Variants in DLG2 observed in about 807,000 individuals in gnomAD.
The protein encoded by DLG2 is disks large homolog 2.
A neutral mutation model predicts 132.5 loss-of-function variants in DLG2; 45 were observed. The observed-to-expected ratio is 0.34, with a 90% CI of 0.27 to 0.44. The LOEUF is 0.44. DLG2 is among the 20% of genes least tolerant of loss of function. The pLI is 1.00. For missense variants in DLG2, 1,045 were observed against 1,196.9 expected (o/e 0.87, Z 1.87); for synonymous variants, 424 against 419.6 (o/e 1.01, Z -0.13).
intron 7 of DLG2, among the ~76,000 whole-genome samples, chr11:84,372,517 A>G (rs2098710528): frequency 6.6e-6 from 1 of 152,206 alleles, no homozygotes; most frequent in Non-Finnish European, 1.5e-5. Flanking sequence ...TATAGCTTTA[A>G]CTTCCCATGA....
chr11:85,501,409 C>A (rs970612330), intron 3 of DLG2, among the ~76,000 whole-genome samples: 1 of 151,924 alleles, frequency 6.6e-6, no homozygotes, highest in African/African-American at 2.4e-5. Flanking sequence ...AAAAGCCAAA[C>A]TAGACAAATG....
At chr11:85,389,814 G>A (rs868642847) in intron 3 of DLG2, among the ~76,000 whole-genome samples, 40 of 152,250 alleles carry the variant, frequency 2.6e-4, no homozygotes, top group African/African-American at 8.9e-4. Flanking sequence ...CAAATGCTGA[G>A]AGAATTCTCC....
chr11:84,924,645 G>C (rs147906256), intron 6 of DLG2, among the ~76,000 whole-genome samples: 170 of 152,246 alleles, frequency 1.1e-3, no homozygotes, highest in African/African-American at 3.1e-3. Flanking sequence ...AGAAAGTGTC[G>C]TCAGTTCTGA....
intron 6 of DLG2, among the ~76,000 whole-genome samples, chr11:84,665,630 C>G (rs893917759): frequency 6.6e-6 from 1 of 152,132 alleles, no homozygotes; most frequent in Non-Finnish European, 1.5e-5. Context: ...CACCCCACTT[C>G]TTGAAGACGG....
At chr11:84,160,801 T>C (rs1309195314) in intron 9 of DLG2, among the ~76,000 whole-genome samples, 1 of 152,178 alleles carries the variant, frequency 6.6e-6, no homozygotes, top group African/African-American at 2.4e-5. Flanking sequence ...AATAGGAACT[T>C]TCCTTCATTG....
chr11:83,654,602 AT>A (rs1209933021), intron 18 of DLG2, among the ~76,000 whole-genome samples: 3 of 152,270 alleles, frequency 2.0e-5, no homozygotes, highest in Admixed American at 2.0e-4. Context: ...ATTTTGATGT[AT>A]TTTGGTTCTA....
intron 7 of DLG2, among the ~76,000 whole-genome samples, chr11:84,303,681 A>C (rs1039160670): frequency 6.6e-6 from 1 of 152,206 alleles, no homozygotes; most frequent in Admixed American, 6.5e-5. Context: ...ATTTCTAACC[A>C]ATGATTCCAA....
chr11:85,528,914 A>T (rs990735219), intron 3 of DLG2, among the ~76,000 whole-genome samples: 5 of 152,228 alleles, frequency 3.3e-5, no homozygotes, highest in African/African-American at 1.2e-4. Context: ...GTGCCTATAC[A>T]ACAAAACTAG....
At chr11:84,336,428 A>G (rs944599327) in intron 7 of DLG2, among the ~76,000 whole-genome samples, 1 of 152,186 alleles carries the variant, frequency 6.6e-6, no homozygotes. Context: ...TTTGCTTGTC[A>G]TGCCATAAAA....
At chr11:85,578,584 C>A (rs912698082) in intron 3 of DLG2, among the ~76,000 whole-genome samples, 1 of 152,084 alleles carries the variant, frequency 6.6e-6, no homozygotes, top group Non-Finnish European at 1.5e-5. Context: ...CATGAACAGG[C>A]ACCTTTCAAA....
chr11:84,574,373 A>C (rs796506834), intron 6 of DLG2, among the ~76,000 whole-genome samples: 6 of 152,214 alleles, frequency 3.9e-5, no homozygotes, highest in African/African-American at 1.4e-4. Context: ...AAAAAAAAAA[A>C]AACCTCTTAA....
At chr11:83,880,363 G>T (rs915973104) in intron 15 of DLG2, among the ~76,000 whole-genome samples, 1 of 152,138 alleles carries the variant, frequency 6.6e-6, no homozygotes, top group Admixed American at 6.6e-5. Flanking sequence ...CTTGAATAAT[G>T]CAGTAAAAAT....
At chr11:84,493,691 C>T (rs1018225837) in intron 7 of DLG2, among the ~76,000 whole-genome samples, 4 of 151,966 alleles carry the variant, frequency 2.6e-5, no homozygotes, top group Non-Finnish European at 5.9e-5. Context: ...TACACAGGCT[C>T]ATTTAGGATG....
intron 4 of DLG2, among the ~76,000 whole-genome samples, chr11:85,211,302 G>A (rs1421002970): frequency 6.6e-6 from 1 of 152,088 alleles, no homozygotes; most frequent in Non-Finnish European, 1.5e-5. Context: ...ATATAAACGA[G>A]TAATTATAAC....
chr11:84,348,744 T>C (rs2098549740), intron 7 of DLG2, among the ~76,000 whole-genome samples: 1 of 152,170 alleles, frequency 6.6e-6, no homozygotes, highest in Non-Finnish European at 1.5e-5. Context: ...GAGTGAGCCC[T>C]AATCCAAAAT....
intron 4 of DLG2, among the ~76,000 whole-genome samples, chr11:85,217,580 T>A (rs550107634): frequency 6.6e-6 from 1 of 152,354 alleles, no homozygotes; most frequent in East Asian, 1.9e-4. Flanking sequence ...GATTCTACTA[T>A]GCTGTCTTAG....
At chr11:84,496,789 A>G (rs1296212271) in intron 7 of DLG2, among the ~76,000 whole-genome samples, 1 of 152,148 alleles carries the variant, frequency 6.6e-6, no homozygotes, top group Non-Finnish European at 1.5e-5. Context: ...TGGAATAAAA[A>G]GGAAGCCCCA....
chr11:85,496,331 G>A (rs1470043306), intron 3 of DLG2, among the ~76,000 whole-genome samples: 2 of 152,172 alleles, frequency 1.3e-5, no homozygotes, highest in South Asian at 2.1e-4. Context: ...CCTGGGACAC[G>A]GGAGCTTGGC....
At chr11:84,775,308 G>A (rs1441769780) in intron 6 of DLG2, among the ~76,000 whole-genome samples, 1 of 152,102 alleles carries the variant, frequency 6.6e-6, no homozygotes, top group Non-Finnish European at 1.5e-5. Context: ...AAAAGGGAAT[G>A]CTTGTACACC....
Sources: gnomAD v4.1 joint callset for allele counts (sites outside exome capture counted in the v4.1 genomes callset) on GRCh38, gnomAD v4.1.1 for gene constraint, MANE v1.5 for transcripts, NCBI Gene and HGNC (gene_info 2026-07-23, HGNC 2026-07-21) for gene names.